The following KIF1A variants were observed in gnomAD, a reference collection of about 807,000 sequenced individuals.
KIF1A encodes the protein kinesin-like protein KIF1A.
In KIF1A, 46 loss-of-function variants were observed where a neutral mutation model predicts 227.3. The observed-to-expected ratio is 0.20, with a 90% CI of 0.16 to 0.26. The LOEUF (loss-of-function observed/expected upper bound fraction) is 0.26, where lower values mean the gene tolerates loss of function less well. Ranked by LOEUF, KIF1A falls within the 10% of genes least tolerant of loss-of-function variation. The probability of loss-of-function intolerance (pLI) is 1.00; values close to 1 mark genes in which losing one functional copy is unlikely to be tolerated. For synonymous variants in KIF1A, 1,022 were observed against 1,012.8 expected (o/e 1.01, Z -0.17); for missense variants, 1,683 against 2,485.9 (o/e 0.68, Z 6.87).
In KIF1A at chr2:240,771,172, G is replaced by A. The variant is rs767924570; in HGVS notation, c.1208-68C>T. On this transcript the variant is annotated intron_variant, in intron 14 of 48. Transcript: ENST00000498729. ...GGTTAAGGTTATTGTTCTCAAGGTC[G>A]GACACGTCTATGGGGAGGAGGGGTA... 3.5e-5 allele frequency: 56 copies of A among 1,604,294 alleles called. No individual in the cohort carries two copies. The highest frequency in any genetic ancestry group is 4.4e-5 in the Non-Finnish European group (52 of 1,172,512).
chr2:240,789,216 G>C lies in KIF1A; in HGVS notation c.183+20C>G, dbSNP rs752475137. 1 of 1,608,484 alleles carries C rather than the reference G, an allele frequency of 6.2e-7. No homozygotes were observed. Among genetic ancestry groups the C allele is most frequent in the South Asian group, 1.1e-5 (1 of 90,946 alleles). On this transcript the variant is annotated intron_variant, in intron 3 of 48. Transcript: ENST00000498729. The surrounding 1 kb of genome is among the most constrained non-coding windows in gnomAD (Gnocchi z 4.8). ...ATGCACTGCTGCCCCCGCCTCCCCC[G>C]ACCCGGGGTCCCGGCTTACTGAGGT... is the stretch of plus-strand genomic sequence containing the variant.
rs2125628516 is a variant in KIF1A, at chr2:240,726,204, T to C, written c.4122+622A>G. Among the ~76,000 whole-genome samples, 1 of 152,338 alleles carries C rather than the reference T, an allele frequency of 6.6e-6. No homozygotes were observed. Among genetic ancestry groups the C allele is most frequent in the Admixed American group, 6.5e-5 (1 of 15,304 alleles). On this transcript the variant is annotated intron_variant, in intron 39 of 48. Coordinates refer to ENST00000498729, the MANE Select transcript of KIF1A (RefSeq NM_001244008.2). The surrounding 1 kb of genome is among the most constrained non-coding windows in gnomAD (Gnocchi z 5.2). ...GGGTGCTGTGGGGATGGAACACTTC[T>C]GTTTTTGTGCTGCCCGGAATGCAGA...
At chr2:240,748,646 G>A in intron 28 of KIF1A, 1 of 293,092 alleles carries the variant, frequency 3.4e-6, no homozygotes, top group Non-Finnish European at 7.3e-6. Flanking sequence ...GAGTATTGCA[G>A]CCCTGGTAAA....
intron 24 of KIF1A, 42 bp downstream of exon 24, chr2:240,761,187 A>T (rs761441434): frequency 1.3e-6 from 2 of 1,578,954 alleles, no homozygotes; most frequent in Non-Finnish European, 1.7e-6. Flanking sequence ...GAGGTGACAC[A>T]CTCTCTCCAA....
intron 14 of KIF1A, 93 bp from the exon 15 acceptor site, chr2:240,771,197 A>G: frequency 6.8e-7 from 1 of 1,467,026 alleles, no homozygotes; most frequent in Non-Finnish European, 9.5e-7. Flanking sequence ...GAGGAGGGGT[A>G]GGGCGGGCAG....
At chr2:240,781,430 T>C (rs1188868965) in intron 10 of KIF1A, among the ~76,000 whole-genome samples, 113 of 2,674 alleles carry the variant, frequency 0.042, no homozygotes, top group Non-Finnish European at 0.051. Context: ...CACACACAGC[T>C]CCACACACAC....
upstream of KIF1A, chr2:240,820,354 C>A (rs1338572011): frequency 6.6e-6 from 1 of 150,938 alleles, no homozygotes; most frequent in African/African-American, 2.4e-5. This position sits in a 1 kb window ranked among gnomAD's most constrained non-coding sequence, Gnocchi z 6.2. Context: ...GAGGGACGGG[C>A]GACGCGGCCG....
rs367790793 is a variant in KIF1A at position 240,783,065 on chromosome 2, G to C, written c.843C>G (p.Val281=). The C allele has an allele frequency of 6.2e-7, 1 of 1,613,714 alleles. No individual in the cohort carries two copies. The highest frequency in any genetic ancestry group is 1.3e-5 in the African/African-American group (1 of 75,054). The stretch of plus-strand genomic sequence containing the variant: ...TCACCATTTCAGCCAGGGCGGAGAT[G>C]ACCTTGCCCAGGGTGGTCAGCGACT... ...INKSLTTLGK[V]ISALAEMDSG... Residue 281 remains valine, a synonymous_variant, in exon 9 of 49, where the codon GTC becomes GTG. Transcript: ENST00000498729.
At position 240,766,786 on chromosome 2, in the gene KIF1A, C is replaced by CACACACA; in HGVS notation, c.1684+128_1684+129insTGTGTGT. On this transcript the variant is annotated intron_variant, in intron 19 of 48. Coordinates refer to ENST00000498729, the MANE Select transcript of KIF1A (RefSeq NM_001244008.2). The surrounding 1 kb of genome is among the most constrained non-coding windows in gnomAD (Gnocchi z 5.0). Reference sequence around the variant, plus strand: ...ACACACACACACACACACACACACACGTCCTGCCTAGAAGTATGACTCGCG... The same window carrying CACACACA: ...ACACACACACACACACACACACACACACACACAGTCCTGCCTAGAAGTATGACTCGCG... 1 of 623,790 alleles carries CACACACA rather than the reference C, an allele frequency of 1.6e-6. No homozygotes were observed. The highest frequency in any genetic ancestry group is 1.8e-5 in the African/African-American group (1 of 55,186). The allele number at this position is 623,790 out of a possible 1,614,324, so 38.6% of individuals were successfully genotyped here.
At chr2:240,747,387 C>T in intron 28 of KIF1A, 66 bp from the exon 29 acceptor site, 1 of 1,283,728 alleles carries the variant, frequency 7.8e-7, no homozygotes, top group Non-Finnish European at 1.1e-6. Context: ...TGGGCAGAGC[C>T]AGGCTGGGCC....
At chr2:240,783,010 G>T (rs773816750) in intron 9 of KIF1A, 34 bp downstream of exon 9, 19 of 1,558,670 alleles carry the variant, frequency 1.2e-5, no homozygotes, top group South Asian at 6.7e-5. Flanking sequence ...ACCCTCTGGG[G>T]TTCTGGCTAT....
chr2:240,744,139 C>T, intron 32 of KIF1A, 79 bp from the exon 33 acceptor site: 1 of 990,902 alleles, frequency 1.0e-6, no homozygotes, highest in Non-Finnish European at 1.6e-6. Context: ...CATCAGTGAG[C>T]TAAGCGCTTC....
At chr2:240,728,318 G>T in intron 38 of KIF1A, 2 of 981,374 alleles carry the variant, frequency 2.0e-6, no homozygotes, top group Non-Finnish European at 2.9e-6. Flanking sequence ...GGCAGACGCC[G>T]AGGAGAAAGG....
intron 2 of KIF1A, among the ~76,000 whole-genome samples, chr2:240,791,542 C>T (rs4676445): frequency 7.6e-5 from 5 of 65,736 alleles, no homozygotes; most frequent in Non-Finnish European, 1.4e-4. Flanking sequence ...CGCCTCACCC[C>T]GCTGCACTCA....
intron 33 of KIF1A, among the ~76,000 whole-genome samples, chr2:240,743,489 T>C (rs1396764713): frequency 1.3e-5 from 2 of 152,164 alleles, no homozygotes; most frequent in Non-Finnish European, 2.9e-5. Flanking sequence ...AAGTCCTGAC[T>C]TCATGCCCCA....
In KIF1A at chr2:240,745,757, C is replaced by T. The variant is rs2125791109; in HGVS notation, c.3355G>A (p.Asp1119Asn). 1.9e-6 allele frequency: 3 copies of T among 1,612,334 alleles called. No homozygotes were observed. The highest frequency in any genetic ancestry group is 1.1e-5 in the South Asian group (1 of 90,784). Reference sequence around the variant, plus strand: ...CCTCACTTGAACTGGCAGAAGATGTCGGCATATTCGGCAGAGATGCTGGAC... The same window carrying T: ...CCTCACTTGAACTGGCAGAAGATGTTGGCATATTCGGCAGAGATGCTGGAC... Reference protein sequence around the residue: ...QASSISAEYADIFCQFNFIHR... With the variant: ...QASSISAEYANIFCQFNFIHR... Residue 1119 changes from aspartate (D) to asparagine (N), a missense_variant, in exon 31 of 49, where the codon GAC (aspartate) becomes AAC (asparagine). Around this residue, in one of 12 missense-constraint regions of KIF1A, gnomAD observed 759 missense variants for 1,020.2 expected, o/e 0.74. Coordinates refer to ENST00000498729, the MANE Select transcript of KIF1A (RefSeq NM_001244008.2).
At position 240,758,445 on chromosome 2, in the gene KIF1A, A is replaced by G; in HGVS notation, c.2497T>C (p.Ser833Pro). The G allele has an allele frequency of 5.0e-6, 8 of 1,611,566 alleles. No homozygotes were observed. The highest frequency in any genetic ancestry group is 6.8e-6 in the Non-Finnish European group (8 of 1,178,746). ...TTGTCACAGTCCTCGATGACACTGG[A>G]GGGCACCTCTGCAGCGCGGTCGTAC... Reference protein sequence around the residue: ...EMYDRAAEVPSSVIEDCDNVV... With the variant: ...EMYDRAAEVPPSVIEDCDNVV... The change falls in exon 26 of 49, where the codon TCC (serine) becomes CCC (proline). Residue 833 changes from serine to proline, a missense_variant. Ser to Pro is a moderately conservative substitution (Grantham distance 74). Transcript: ENST00000498729. The surrounding 1 kb of genome is among the most constrained non-coding windows in gnomAD (Gnocchi z 5.2).
chr2:240,780,810 ACACACACACACACACAGC>A (rs2053619998), intron 10 of KIF1A, among the ~76,000 whole-genome samples: 1 of 90,230 alleles, frequency 1.1e-5, no homozygotes, highest in African/African-American at 6.3e-5. Context: ...ACACACACAC[ACACACACACACACACAGC>A]TCCACACACA....
At chr2:240,809,922 C>T (rs2057732414) in intron 1 of KIF1A, among the ~76,000 whole-genome samples, 1 of 151,884 alleles carries the variant, frequency 6.6e-6, no homozygotes, top group East Asian at 1.9e-4. Context: ...GCCTCAGTCA[C>T]CCAAGTAACT....
Sources: allele counts gnomAD v4.1 joint callset (sites outside exome capture counted in the v4.1 genomes callset), GRCh38; gene constraint gnomAD v4.1.1; regional missense constraint gnomAD v4.1.1; non-coding constraint Gnocchi (gnomAD v3.1); transcripts MANE v1.5; gene names NCBI Gene and HGNC (gene_info 2026-07-23, HGNC 2026-07-21).